CRTC1: variants seen among roughly 807,000 people sequenced by gnomAD.
CRTC1 encodes the protein CREB regulated transcription coactivator 1.
CRTC1 carries 18 observed loss-of-function variants against 66.1 expected under a neutral mutation model. That is an observed-to-expected ratio of 0.27 (90% CI 0.19 to 0.40). The LOEUF (loss-of-function observed/expected upper bound fraction) is 0.40. Among genes scored for constraint, CRTC1 ranks in the 10% least tolerant of loss-of-function variants. The pLI, the probability that CRTC1 is intolerant of heterozygous loss-of-function variation, is 1.00. For missense variants in CRTC1, 669 were observed against 887.9 expected, an observed-to-expected ratio of 0.75 and a Z score of 3.13; for synonymous variants, 416 against 398.8, an observed-to-expected ratio of 1.04 and a Z score of -0.51.
rs184379293 is a variant in CRTC1 at position 18,707,215 on chromosome 19, T to C, written c.126+23387T>C. Among the ~76,000 whole-genome samples the C allele has an allele frequency of 5.3e-5, 8 of 152,326 alleles. No individual in the cohort carries two copies. In the East Asian group the frequency reaches 1.2e-3, roughly 22 times the overall value. ...TGGTTTTAGTTATAGAGTTACAGTTTTAGTTTTTTACTTTTATAGTTTTAG... is the reference window on the plus strand; with the variant it reads ...TGGTTTTAGTTATAGAGTTACAGTTCTAGTTTTTTACTTTTATAGTTTTAG... On this transcript the variant is annotated intron_variant, in intron 1 of 13. Coordinates refer to ENST00000321949, the MANE Select transcript of CRTC1 (RefSeq NM_015321.3).
chr19:18,768,106 G>A lies in CRTC1; in HGVS notation c.1012-379G>A, dbSNP rs2054776066. The stretch of plus-strand genomic sequence containing the variant: ...GGGGGTTTGGGAAGGCAAGGCCAGT[G>A]GATCACTTGAGGTTTCCCCGCAGCA... On this transcript the variant is annotated intron_variant, in intron 9 of 13. Coordinates refer to ENST00000321949, the MANE Select transcript of CRTC1 (RefSeq NM_015321.3). This position sits in a 1 kb window ranked among gnomAD's most constrained non-coding sequence, Gnocchi z 5.6. 6.6e-6 allele frequency among the ~76,000 whole-genome samples: 1 copy of A among 152,222 alleles called. No individual in the cohort carries two copies. Among genetic ancestry groups the A allele is most frequent in the South Asian group, 2.1e-4 (1 of 4,832 alleles).
intron 1 of CRTC1, among the ~76,000 whole-genome samples, chr19:18,730,518 C>T (rs1448945147): frequency 6.6e-6 from 1 of 152,140 alleles, no homozygotes; most frequent in Non-Finnish European, 1.5e-5. Context: ...GTGTTCGCCG[C>T]TCCTTGTGCT....
Position 18,760,317 on chromosome 19 carries a change from C to T in CRTC1, c.886+89C>T. 1 of 1,139,166 alleles carries T rather than the reference C, an allele frequency of 8.8e-7. No individual in the cohort carries two copies. Among genetic ancestry groups the T allele is most frequent in the Non-Finnish European group, 1.3e-6 (1 of 796,382 alleles). 70.6% of individuals were successfully genotyped at this position (1,139,166 alleles called of 1,614,324 possible). A position where few individuals can be genotyped will look rare whatever the true frequency, so the allele number is the denominator to read the frequency against. ...CAGGATGACTTGGCAGAGTCCCGTT[C>T]CAAATACTAGGGCATGGGGGACAGG... On this transcript the variant is annotated intron_variant, in intron 8 of 13. Transcript: ENST00000321949. This position sits in a 1 kb window ranked among gnomAD's most constrained non-coding sequence, Gnocchi z 6.2.
At chr19:18,709,677 C>G (rs995262974) in intron 1 of CRTC1, among the ~76,000 whole-genome samples, 1 of 152,176 alleles carries the variant, frequency 6.6e-6, no homozygotes, top group African/African-American at 2.4e-5. Context: ...AGGACTCCAC[C>G]TGGGGGAGAT....
At position 18,771,838 on chromosome 19, in the gene CRTC1, TTGAG is replaced by T. The variant is rs2095463536; in HGVS notation, c.1425+295_1425+298del. 6.6e-6 allele frequency among the ~76,000 whole-genome samples: 1 copy of T among 152,282 alleles called. No homozygotes were observed. The highest frequency in any genetic ancestry group is 6.5e-5 in the Admixed American group (1 of 15,306). On this transcript the variant is annotated intron_variant, in intron 11 of 13. Transcript: ENST00000321949. This position sits in a 1 kb window ranked among gnomAD's most constrained non-coding sequence, Gnocchi z 4.6. ...CTGTGGCCCTGCCTGGATGTCCTCATTGAGTGGCCCAGGGACAATGCCCTCCACA... is the reference window on the plus strand; with the variant it reads ...CTGTGGCCCTGCCTGGATGTCCTCATTGGCCCAGGGACAATGCCCTCCACA...
chr19:18,743,264 A>AT (rs1485084745), intron 2 of CRTC1, among the ~76,000 whole-genome samples: 1 of 152,210 alleles, frequency 6.6e-6, no homozygotes, highest in Non-Finnish European at 1.5e-5. Context: ...GGCCTCCAGC[A>AT]TTTCGGCAGC....
intron 1 of CRTC1, 123 bp from the exon 2 acceptor site, chr19:18,742,787 T>C: frequency 1.4e-6 from 1 of 716,066 alleles, no homozygotes; most frequent in African/African-American, 1.7e-5. Context: ...CATGAGGTCC[T>C]GCAAACTTCT....
At chr19:18,736,624 C>T (rs926281180) in intron 1 of CRTC1, among the ~76,000 whole-genome samples, 2 of 152,108 alleles carry the variant, frequency 1.3e-5, no homozygotes, top group East Asian at 1.9e-4. Context: ...CCGGAGGTAG[C>T]GACTGGTGGC....
chr19:18,693,807 A>G (rs2052914673), intron 1 of CRTC1, among the ~76,000 whole-genome samples: 2 of 151,570 alleles, frequency 1.3e-5, no homozygotes, highest in South Asian at 4.2e-4. Flanking sequence ...TTGCAGGCAC[A>G]CTGATGTACT....
chr19:18,728,058 C>CG (rs1259052251), intron 1 of CRTC1, among the ~76,000 whole-genome samples: 1 of 152,070 alleles, frequency 6.6e-6, no homozygotes, highest in Non-Finnish European at 1.5e-5. Context: ...CAGAGCTGTG[C>CG]GGGAAACATC....
At chr19:18,747,365 G>C (rs1341340426) in intron 4 of CRTC1, among the ~76,000 whole-genome samples, 1 of 152,198 alleles carries the variant, frequency 6.6e-6, no homozygotes, top group African/African-American at 2.4e-5. Context: ...GACCAGGAGT[G>C]GTGGCTCAGG....
At chr19:18,776,883 A>C (rs796538635) in intron 13 of CRTC1, among the ~76,000 whole-genome samples, 10 of 152,184 alleles carry the variant, frequency 6.6e-5, no homozygotes, top group African/African-American at 2.4e-4. Context: ...GGTCATGCTG[A>C]CGTGCATCAG....
At position 18,770,287 on chromosome 19, in the gene CRTC1, C is replaced by T. The variant is rs16982626; in HGVS notation, c.1321-1155C>T. Among the ~76,000 whole-genome samples the T allele has an allele frequency of 7.2e-3, 1,090 of 152,372 alleles. 21 individuals carry two copies. The highest frequency in any genetic ancestry group is 0.024 in the African/African-American group (994 of 41,590). On this transcript the variant is annotated intron_variant, in intron 10 of 13. Transcript: ENST00000321949. ...ATAGCAGTGAGATGCCCGGGCCTTT[C>T]GTCCCTCGAGCAGGTGGAGGAAGTG...
intron 1 of CRTC1, among the ~76,000 whole-genome samples, chr19:18,702,532 T>C (rs953517842): frequency 2.3e-5 from 3 of 128,116 alleles, no homozygotes; most frequent in Non-Finnish European, 4.7e-5. Flanking sequence ...TAGGGGATAG[T>C]CTTTTTTTTT....
At position 18,782,171 on chromosome 19, in the gene CRTC1, G is replaced by A. The variant is rs951068689; in HGVS notation, c.*4789G>A. On this transcript the variant is annotated 3_prime_UTR_variant, in exon 14 of 14. Transcript: ENST00000321949. ...AACCCTAGCATGTATACTCTGCCAC[G>A]GACGTCCCGTGGGCCATGATTGTGG... 9.2e-5 allele frequency: 21 copies of A among 228,538 alleles called. No individual in the cohort carries two copies. Among genetic ancestry groups the A allele is most frequent in the African/African-American group, 3.3e-4 (15 of 44,780 alleles). The allele number at this position is 228,538 out of a possible 1,614,324, so 14.2% of individuals were successfully genotyped here.
intron 10 of CRTC1, among the ~76,000 whole-genome samples, chr19:18,770,950 G>T (rs1193100579): frequency 6.6e-6 from 1 of 151,810 alleles, no homozygotes; most frequent in Non-Finnish European, 1.5e-5. Context: ...GTGTGCATTT[G>T]TGGGTGTGAG....
chr19:18,753,917 T>C (rs2145779759), intron 6 of CRTC1, among the ~76,000 whole-genome samples: 1 of 152,050 alleles, frequency 6.6e-6, no homozygotes, highest in East Asian at 1.9e-4. Flanking sequence ...CTGGCCAACA[T>C]GGTGAAACCC....
At chr19:18,728,466 A>G (rs1053988037) in intron 1 of CRTC1, among the ~76,000 whole-genome samples, 2 of 152,128 alleles carry the variant, frequency 1.3e-5, no homozygotes, top group Non-Finnish European at 2.9e-5. Flanking sequence ...CAGTCGTAAC[A>G]TCACAGAGCA....
chr19:18,706,182 CTTTTTTTTTTTTTTTTTTTT>C (rs58104974), intron 1 of CRTC1, among the ~76,000 whole-genome samples: 40 of 18,722 alleles, frequency 2.1e-3, no homozygotes, highest in Non-Finnish European at 3.1e-3. Flanking sequence ...TTCCATTGGT[CTTTTTTTTTTTTTTTTTTTT>C]TTTTTTTTTT....
Sources: allele counts gnomAD v4.1 joint callset (sites outside exome capture counted in the v4.1 genomes callset), GRCh38; gene constraint gnomAD v4.1.1; non-coding constraint Gnocchi (gnomAD v3.1); transcripts MANE v1.5; gene names NCBI Gene and HGNC (gene_info 2026-07-23, HGNC 2026-07-21).